NXPE4: variants seen among roughly 807,000 people sequenced by gnomAD.
NXPE4 encodes the protein NXPE family member 4.
NXPE4 carries 42 observed loss-of-function variants against 33.3 expected under a neutral mutation model. The observed-to-expected ratio is 1.26, with a 90% confidence interval of 0.98 to 1.63. The LOEUF is 1.63. Ranked by LOEUF, NXPE4 falls within the 40% of genes most tolerant of loss-of-function variation. The pLI is 0.00. For missense variants in NXPE4, 709 were observed against 647.6 expected (o/e 1.09, Z -1.03); for synonymous variants, 253 against 234.9 (o/e 1.08, Z -0.71).
the NXPE4 span, among the ~76,000 whole-genome samples, chr11:114,670,850 C>T: frequency 5.9e-3 from 899 of 151,332 alleles, 4 homozygotes; most frequent in African/African-American, 0.02. Flanking sequence ...GAATGACTCA[C>T]GAACAGGAGA....
the NXPE4 span, among the ~76,000 whole-genome samples, chr11:114,654,767 G>A: frequency 6.6e-6 from 1 of 152,140 alleles, no homozygotes; most frequent in South Asian, 2.1e-4. Flanking sequence ...TGTAAATAGT[G>A]CTGCAATAAA....
the NXPE4 span, among the ~76,000 whole-genome samples, chr11:114,648,109 C>A: frequency 6.6e-6 from 1 of 151,948 alleles, no homozygotes; most frequent in African/African-American, 2.4e-5. Flanking sequence ...CTCCAAAAAC[C>A]CTTAGAATCT....
the NXPE4 span, among the ~76,000 whole-genome samples, chr11:114,622,302 G>A: frequency 6.6e-6 from 1 of 150,696 alleles, no homozygotes; most frequent in East Asian, 2.0e-4. Flanking sequence ...GATAATAATT[G>A]TTGCCTCATG....
At chr11:114,640,055 AATTT>A in the NXPE4 span, among the ~76,000 whole-genome samples, 6 of 117,948 alleles carry the variant, frequency 5.1e-5, no homozygotes, top group Admixed American at 6.0e-4. Context: ...TATAATATAT[AATTT>A]ATTTAAAATA....
chr11:114,628,012 T>C, the NXPE4 span, among the ~76,000 whole-genome samples: 1 of 151,618 alleles, frequency 6.6e-6, no homozygotes, highest in Admixed American at 6.6e-5. Flanking sequence ...GCACCTAGAT[T>C]CATAAAGCAA....
At chr11:114,619,457 G>T in the NXPE4 span, among the ~76,000 whole-genome samples, 1,967 of 149,298 alleles carry the variant, frequency 0.013, 24 homozygotes, top group African/African-American at 0.048. Context: ...AATAAGTGTT[G>T]CCTCGTGGGT....
At chr11:114,648,064 T>C in the NXPE4 span, among the ~76,000 whole-genome samples, 3 of 152,258 alleles carry the variant, frequency 2.0e-5, no homozygotes, top group East Asian at 3.9e-4. Flanking sequence ...ATATAAGACA[T>C]ATATTGAGTC....
At chr11:114,594,178 A>T (rs1949525781) in intron 2 of NXPE4, among the ~76,000 whole-genome samples, 1 of 152,134 alleles carries the variant, frequency 6.6e-6, no homozygotes, top group African/African-American at 2.4e-5. Flanking sequence ...CTAAAAGAGT[A>T]TAATTGTCTT....
chr11:114,611,303 G>A, the NXPE4 span, among the ~76,000 whole-genome samples: 3 of 151,524 alleles, frequency 2.0e-5, no homozygotes, highest in Non-Finnish European at 4.4e-5. Flanking sequence ...TGCCTCATGG[G>A]TAATCACTGT....
the NXPE4 span, among the ~76,000 whole-genome samples, chr11:114,626,787 T>G: frequency 6.6e-6 from 1 of 152,052 alleles, no homozygotes; most frequent in African/African-American, 2.4e-5. Flanking sequence ...TTTAGAATAA[T>G]GTATAACTAG....
Position 114,580,306 on chromosome 11 carries a change from A to G in NXPE4, c.925T>C (p.Phe309Leu). 1 of 1,614,010 alleles carries G rather than the reference A, an allele frequency of 6.2e-7. No homozygotes were observed. ...CTGGGGATTGTGGATGTCATTCCAA[A>G]CTTGCATTTCTCTTTCATTGCAACT... Reference protein sequence around the residue: ...ETVAMKEKCKFGMTSTIPSGH... With the variant: ...ETVAMKEKCKLGMTSTIPSGH... Residue 309 changes from phenylalanine to leucine, a missense_variant, in exon 5 of 6, where the codon TTT (phenylalanine) becomes CTT (leucine). Physicochemically the swap from Phe to Leu is conservative, Grantham distance 22. Coordinates refer to ENST00000375478, the MANE Select transcript of NXPE4 (RefSeq NM_001077639.2).
chr11:114,625,555 G>A, the NXPE4 span, among the ~76,000 whole-genome samples: 3,006 of 151,474 alleles, frequency 0.02, 49 homozygotes, highest in South Asian at 0.033. Context: ...ACTGTTACCC[G>A]GTGGATAATA....
upstream of NXPE4, among the ~76,000 whole-genome samples, chr11:114,596,957 G>A (rs1460720701): frequency 6.6e-6 from 1 of 152,160 alleles, no homozygotes; most frequent in Admixed American, 6.6e-5. Context: ...CTTTGAAACA[G>A]GGCTGAATCC....
At chr11:114,602,794 ATC>A in the NXPE4 span, among the ~76,000 whole-genome samples, 1 of 142,986 alleles carries the variant, frequency 7.0e-6, no homozygotes, top group African/African-American at 2.5e-5. Context: ...TATAATAATT[ATC>A]TCATATAATT....
chr11:114,674,090 A>AAAAC, the NXPE4 span, among the ~76,000 whole-genome samples: 5,018 of 131,858 alleles, frequency 0.038, 101 homozygotes, highest in African/African-American at 0.055. Flanking sequence ...ACATTGTTTA[A>AAAAC]AAACAAACAA....
the NXPE4 span, among the ~76,000 whole-genome samples, chr11:114,637,478 T>A: frequency 1.3e-5 from 2 of 151,648 alleles, no homozygotes; most frequent in Admixed American, 1.3e-4. Context: ...AAGTTAATAT[T>A]GTTATGTGTG....
chr11:114,586,555 A>T (rs1206348083), intron 2 of NXPE4, among the ~76,000 whole-genome samples: 1 of 152,122 alleles, frequency 6.6e-6, no homozygotes, highest in Non-Finnish European at 1.5e-5. Context: ...TAATCCCCCC[A>T]TGTCCTCAGG....
chr11:114,639,605 T>C, the NXPE4 span, among the ~76,000 whole-genome samples: 1 of 149,662 alleles, frequency 6.7e-6, no homozygotes, highest in Non-Finnish European at 1.5e-5. Context: ...TATTCGGCCA[T>C]CTTGGCTGCC....
the NXPE4 span, among the ~76,000 whole-genome samples, chr11:114,674,459 C>T: frequency 6.6e-6 from 1 of 151,446 alleles, no homozygotes; most frequent in Non-Finnish European, 1.5e-5. Context: ...AAGTTGTTAG[C>T]ACTTTAAAAT....
Sources: gnomAD v4.1 joint callset for allele counts (sites outside exome capture counted in the v4.1 genomes callset) on GRCh38, gnomAD v4.1.1 for gene constraint, MANE v1.5 for transcripts, NCBI Gene and HGNC (gene_info 2026-07-23, HGNC 2026-07-21) for gene names.